COL14A1: variants seen among roughly 807,000 people sequenced by gnomAD.
COL14A1 encodes collagen type XIV alpha 1 chain.
In COL14A1, 136 loss-of-function variants were observed where a neutral mutation model predicts 230.3. The ratio of observed to expected loss-of-function variants is 0.59; its 90% CI spans 0.51 to 0.68. The LOEUF is 0.68. COL14A1 is among the 30% of genes least tolerant of loss of function. COL14A1 has a pLI of 0.00. For synonymous variants in COL14A1, 792 were observed against 784.1 expected, an observed-to-expected ratio of 1.01 and a Z score of -0.17; for missense variants, 1,976 against 2,215.8, an observed-to-expected ratio of 0.89 and a Z score of 2.17.
Position 120,199,270 on chromosome 8 carries a change from C to G in COL14A1, c.713-132C>G. On this transcript the variant is annotated intron_variant, in intron 7 of 47. Coordinates refer to ENST00000297848, the MANE Select transcript of COL14A1 (RefSeq NM_021110.4). ...GAATCTGTGAAAGACAACGTTATTACAAAAATGAAGATTTGCATGTAATAA... is the reference window on the plus strand; with the variant it reads ...GAATCTGTGAAAGACAACGTTATTAGAAAAATGAAGATTTGCATGTAATAA... 3 of 758,804 alleles carry G rather than the reference C, an allele frequency of 4.0e-6. No individual in the cohort carries two copies. The East Asian group carries it at 9.8e-5, about 25-fold the overall frequency. The allele number at this position is 758,804 out of a possible 1,614,324, so 47.0% of individuals were successfully genotyped here. A position where few individuals can be genotyped will look rare whatever the true frequency, so the allele number is the denominator to read the frequency against.
intron 45 of COL14A1, among the ~76,000 whole-genome samples, chr8:120,348,198 CAT>C (rs1401831925): frequency 2.0e-5 from 3 of 147,084 alleles, no homozygotes; most frequent in African/African-American, 7.5e-5. Context: ...ATATATAAAG[CAT>C]ATATATATGT....
chr8:120,341,406 C>A (rs772630261), intron 43 of COL14A1, 46 bp downstream of exon 43: 5 of 1,588,078 alleles, frequency 3.1e-6, no homozygotes, highest in Non-Finnish European at 3.5e-6. Context: ...TTGTTGCACC[C>A]CTTCCATTGC....
intron 40 of COL14A1, among the ~76,000 whole-genome samples, chr8:120,328,146 T>G (rs1373132326): frequency 6.6e-6 from 1 of 152,226 alleles, no homozygotes; most frequent in Non-Finnish European, 1.5e-5. Context: ...TTTTCTGCCC[T>G]CGAAAGAAGA....
chr8:120,354,056 C>T (rs1822879024), intron 45 of COL14A1, among the ~76,000 whole-genome samples: 1 of 124,080 alleles, frequency 8.1e-6, no homozygotes, highest in South Asian at 3.0e-4. Context: ...GAATACTATG[C>T]AGCCATAAAA....
chr8:120,173,561 A>AGTC (rs1263983529), intron 5 of COL14A1, among the ~76,000 whole-genome samples: 9 of 144,782 alleles, frequency 6.2e-5, no homozygotes, highest in Admixed American at 4.3e-4. Flanking sequence ...TCTAGCAATC[A>AGTC]ATCATCTATC....
chr8:120,372,231 G>A lies in COL14A1; in HGVS notation c.*1000G>A, dbSNP rs1297455363. Among the ~76,000 whole-genome samples the A allele has an allele frequency of 6.6e-6, 1 of 152,170 alleles. No individual in the cohort carries two copies. The highest frequency in any genetic ancestry group is 1.5e-5 in the Non-Finnish European group (1 of 68,040). ...GAAGAAGCAGTTAACTTGGGACTAA[G>A]AGATTAGCGACATTTTATTGTTCAT... On this transcript the variant is annotated 3_prime_UTR_variant, in exon 48 of 48. Coordinates refer to ENST00000297848, the MANE Select transcript of COL14A1 (RefSeq NM_021110.4).
intron 1 of COL14A1, among the ~76,000 whole-genome samples, chr8:120,128,683 C>A (rs758391039): frequency 6.6e-6 from 1 of 152,128 alleles, no homozygotes; most frequent in Non-Finnish European, 1.5e-5. Flanking sequence ...AAATTCTGAG[C>A]GTTCTTTAAG....
intron 23 of COL14A1, among the ~76,000 whole-genome samples, chr8:120,260,552 C>T (rs11774019): frequency 0.018 from 2,813 of 152,228 alleles, 40 homozygotes; most frequent in Middle Eastern, 0.034. Flanking sequence ...TTTTTAAACA[C>T]TAGTTTTTCA....
Position 120,313,935 on chromosome 8 carries a change from C to T in COL14A1, c.4459C>T (p.Pro1487Ser). 1 of 1,609,598 alleles carries T rather than the reference C, an allele frequency of 6.2e-7. No individual in the cohort carries two copies. Among genetic ancestry groups the T allele is most frequent in the Non-Finnish European group, 8.5e-7 (1 of 1,177,448 alleles). The part of the protein sequence containing the change: ...GQQGEPGPKG[P>S]DGPRGEIGLP... ...ATACTTCTCTCTTGCCTTCCAGGGACCAGATGGCCCTCGGGGTGAAATTGG... is the reference window on the plus strand; with the variant it reads ...ATACTTCTCTCTTGCCTTCCAGGGATCAGATGGCCCTCGGGGTGAAATTGG... The change falls in exon 38 of 48, where the codon CCA becomes TCA. Residue 1487 changes from proline to serine, a missense_variant. Around this residue, in one of 3 missense-constraint regions of COL14A1, gnomAD observed 1,791 missense variants for 2,019.5 expected, o/e 0.89. Coordinates refer to ENST00000297848, the MANE Select transcript of COL14A1 (RefSeq NM_021110.4).
chr8:120,134,478 G>C (rs1010029920), intron 1 of COL14A1, among the ~76,000 whole-genome samples: 1 of 151,752 alleles, frequency 6.6e-6, no homozygotes, highest in African/African-American at 2.4e-5. Context: ...GATGATCAAA[G>C]ATTTCAATTT....
At chr8:120,163,925 T>TG (rs1815776827) in intron 4 of COL14A1, among the ~76,000 whole-genome samples, 1 of 151,862 alleles carries the variant, frequency 6.6e-6, no homozygotes, top group South Asian at 2.1e-4. Context: ...ACATGACAAA[T>TG]CCCTGCCCCT....
At position 120,198,705 on chromosome 8, in the gene COL14A1, T is replaced by G. The variant is rs561094038; in HGVS notation, c.713-697T>G. ...CGATTCTGGTCTCAAGGATTTTGAATAGTGGATATTCAACCTGTATTGCCT... is the reference window on the plus strand; with the variant it reads ...CGATTCTGGTCTCAAGGATTTTGAAGAGTGGATATTCAACCTGTATTGCCT... On this transcript the variant is annotated intron_variant, in intron 7 of 47. Coordinates refer to ENST00000297848, the MANE Select transcript of COL14A1 (RefSeq NM_021110.4). 2.6e-5 allele frequency among the ~76,000 whole-genome samples: 4 copies of G among 152,332 alleles called. No homozygotes were observed. In the East Asian group the frequency reaches 5.8e-4, roughly 22 times the overall value.
chr8:120,338,340 A>C (rs1020354859), intron 42 of COL14A1, among the ~76,000 whole-genome samples: 1 of 152,168 alleles, frequency 6.6e-6, no homozygotes, highest in Non-Finnish European at 1.5e-5. Flanking sequence ...ATTGCTAAGC[A>C]GGGTTCTCTT....
intron 40 of COL14A1, among the ~76,000 whole-genome samples, chr8:120,326,525 T>C (rs931510866): frequency 6.6e-6 from 1 of 152,196 alleles, no homozygotes; most frequent in African/African-American, 2.4e-5. Context: ...ACTGGTGTCA[T>C]TTAAGAGTTT....
At chr8:120,188,658 T>C (rs1816719101) in intron 5 of COL14A1, among the ~76,000 whole-genome samples, 1 of 152,254 alleles carries the variant, frequency 6.6e-6, no homozygotes, top group Non-Finnish European at 1.5e-5. Context: ...AATTGCATTT[T>C]AGGTAAGACC....
chr8:120,257,881 G>A (rs1819208678), intron 23 of COL14A1, among the ~76,000 whole-genome samples: 2 of 151,996 alleles, frequency 1.3e-5, no homozygotes, highest in African/African-American at 4.8e-5. Context: ...TTTTTTCATA[G>A]CTTAAGCATG....
chr8:120,338,482 T>G (rs1822161760), intron 42 of COL14A1, among the ~76,000 whole-genome samples: 1 of 152,192 alleles, frequency 6.6e-6, no homozygotes. Context: ...AGTGCCTCAT[T>G]TTCCATATCT....
At chr8:120,145,447 C>T (rs1220944778) in intron 1 of COL14A1, among the ~76,000 whole-genome samples, 10 of 152,206 alleles carry the variant, frequency 6.6e-5, no homozygotes, top group Admixed American at 3.3e-4. Flanking sequence ...GATGAAATCC[C>T]GTCTCTACTA....
intron 5 of COL14A1, among the ~76,000 whole-genome samples, chr8:120,173,253 C>T (rs1206245298): frequency 1.3e-5 from 2 of 152,094 alleles, no homozygotes; most frequent in African/African-American, 4.8e-5. Context: ...TATTATGATG[C>T]TCAAATTGTT....
Sources: gnomAD v4.1 joint callset for allele counts (sites outside exome capture counted in the v4.1 genomes callset) on GRCh38, gnomAD v4.1.1 for gene constraint, gnomAD v4.1.1 regional missense constraint, MANE v1.5 for transcripts, NCBI Gene and HGNC (gene_info 2026-07-23, HGNC 2026-07-21) for gene names.